The following CHCT1 variants were observed in gnomAD, a reference collection of about 807,000 sequenced individuals.
The protein encoded by CHCT1 is CHD1 helical C-terminal domain containing 1.
the CHCT1 span, chr17:60,422,508 A>T: frequency 8.4e-6 from 13 of 1,541,568 alleles, no homozygotes; most frequent in Non-Finnish European, 1.1e-5. Flanking sequence ...ACTCCCTGAG[A>T]CGGCTAGGTC....
At chr17:60,426,640 G>A in the CHCT1 span, 2,342 of 1,540,760 alleles carry the variant, frequency 1.5e-3, 2 homozygotes, top group Non-Finnish European at 1.8e-3. Flanking sequence ...CCCTGGGTGG[G>A]TCCTGACCCT....
At chr17:60,426,329 T>C in the CHCT1 span, 6 of 1,532,982 alleles carry the variant, frequency 3.9e-6, no homozygotes, top group African/African-American at 8.3e-5. Context: ...AATCAAACAC[T>C]GGAGAAAGTA....
At chr17:60,421,783 C>T in the CHCT1 span, 1 of 934,902 alleles carries the variant, frequency 1.1e-6, no homozygotes, top group East Asian at 1.2e-4. Context: ...CCCTGGAGGG[C>T]TCGCGGGTAG....
chr17:60,427,548 G>C, the CHCT1 span, among the ~76,000 whole-genome samples: 1 of 152,026 alleles, frequency 6.6e-6, no homozygotes, highest in East Asian at 1.9e-4. Context: ...CTCCCAGGTA[G>C]CTGGGATTAC....
At chr17:60,430,590 C>T in the CHCT1 span, among the ~76,000 whole-genome samples, 1 of 152,218 alleles carries the variant, frequency 6.6e-6, no homozygotes, top group African/African-American at 2.4e-5. Flanking sequence ...AAGTGATTCT[C>T]CTGCCTCGGC....
the CHCT1 span, chr17:60,429,686 C>T: frequency 1.3e-6 from 1 of 771,804 alleles, no homozygotes; most frequent in Non-Finnish European, 2.0e-6. Flanking sequence ...CCTCTTCCCT[C>T]CTTTCCATCT....
chr17:60,428,442 G>A, the CHCT1 span, among the ~76,000 whole-genome samples: 9 of 151,118 alleles, frequency 6.0e-5, no homozygotes, highest in Non-Finnish European at 1.2e-4. Flanking sequence ...AAGAGGAGCT[G>A]CCACTTTACT....
chr17:60,423,107 A>G, the CHCT1 span, among the ~76,000 whole-genome samples: 1 of 152,162 alleles, frequency 6.6e-6, no homozygotes, highest in African/African-American at 2.4e-5. Context: ...AGCTTTTGAA[A>G]GGTGAGGGGC....
chr17:60,422,769 C>G, the CHCT1 span: 1 of 1,009,514 alleles, frequency 9.9e-7, no homozygotes, highest in African/African-American at 1.6e-5. Context: ...AGCAAGAGGC[C>G]TAAAGCACAA....
the CHCT1 span, among the ~76,000 whole-genome samples, chr17:60,430,056 C>T: frequency 2.0e-5 from 3 of 150,382 alleles, no homozygotes; most frequent in Non-Finnish European, 4.4e-5. Context: ...AGCTCCTGAG[C>T]TCACACAATC....
chr17:60,423,982 G>A, the CHCT1 span, among the ~76,000 whole-genome samples: 1 of 152,204 alleles, frequency 6.6e-6, no homozygotes, highest in African/African-American at 2.4e-5. Flanking sequence ...TTCTGGTGAG[G>A]GCCTCAGGAA....
At chr17:60,427,702 C>T in the CHCT1 span, among the ~76,000 whole-genome samples, 2 of 152,104 alleles carry the variant, frequency 1.3e-5, no homozygotes, top group Non-Finnish European at 2.9e-5. Context: ...AGTGAGCCAT[C>T]GCGCCCAGCC....
chr17:60,426,504 C>T, the CHCT1 span: 1 of 1,049,328 alleles, frequency 9.5e-7, no homozygotes, highest in Admixed American at 2.8e-5. Context: ...CCTGACTGCA[C>T]CTTGTCTCTG....
the CHCT1 span, chr17:60,422,400 C>A: frequency 7.1e-7 from 1 of 1,399,868 alleles, no homozygotes; most frequent in South Asian, 1.4e-5. Context: ...CCAGCTGCAG[C>A]CACCCCTAAG....
the CHCT1 span, chr17:60,422,335 C>A: frequency 2.4e-6 from 2 of 828,030 alleles, no homozygotes; most frequent in African/African-American, 1.8e-5. Context: ...CCAAAGTCTT[C>A]GCTCGACCCC....
chr17:60,429,259 G>T, the CHCT1 span: 3 of 1,284,802 alleles, frequency 2.3e-6, no homozygotes, highest in Non-Finnish European at 3.2e-6. Context: ...AAGTGTGACC[G>T]GCAGGCAGAC....
At chr17:60,426,728 C>T in the CHCT1 span, 5 of 1,610,534 alleles carry the variant, frequency 3.1e-6, no homozygotes, top group East Asian at 2.2e-5. Context: ...GATGCTCTGG[C>T]GGTTCATCTC....
the CHCT1 span, chr17:60,431,149 A>C: frequency 2.7e-6 from 4 of 1,460,076 alleles, no homozygotes; most frequent in Non-Finnish European, 3.8e-6. Context: ...TTGTGATGTC[A>C]TTGGGACTGT....
the CHCT1 span, chr17:60,426,679 G>A: frequency 6.3e-7 from 1 of 1,587,486 alleles, no homozygotes. Flanking sequence ...AGGAAGCGCT[G>A]TGCTCCACCT....
Sources: gnomAD v4.1 joint callset for allele counts (sites outside exome capture counted in the v4.1 genomes callset) on GRCh38, gnomAD v4.1.1 for gene constraint, MANE v1.5 for transcripts, NCBI Gene and HGNC (gene_info 2026-07-23, HGNC 2026-07-21) for gene names.